The following WWC2 variants were observed in gnomAD, a reference collection of about 807,000 sequenced individuals.
The protein encoded by WWC2 is protein WWC2.
WWC2 carries 101 observed loss-of-function variants against 138.5 expected under a neutral mutation model. The ratio of observed to expected loss-of-function variants is 0.73; its 90% CI spans 0.62 to 0.86. The LOEUF is 0.86. Ranked by LOEUF, WWC2 falls within the 40% of genes least tolerant of loss-of-function variation. WWC2 has a pLI of 0.00. For missense variants in WWC2, 1,420 were observed against 1,419.4 expected, an observed-to-expected ratio of 1.00 and a Z score of -0.01; for synonymous variants, 558 against 538.4, an observed-to-expected ratio of 1.04 and a Z score of -0.50.
At chr4:183,228,942 G>C (rs1736157243) in intron 4 of WWC2, among the ~76,000 whole-genome samples, 1 of 152,038 alleles carries the variant, frequency 6.6e-6, no homozygotes, top group African/African-American at 2.4e-5. Context: ...GTGTTGAGTG[G>C]GTGAAGCTAG....
chr4:183,246,979 G>C (rs370365557), intron 6 of WWC2, among the ~76,000 whole-genome samples: 1 of 152,000 alleles, frequency 6.6e-6, no homozygotes, highest in Non-Finnish European at 1.5e-5. Context: ...TCATCTGCAG[G>C]CCTGATTAAA....
At chr4:183,169,996 GAAC>G (rs1474275241) in intron 1 of WWC2, among the ~76,000 whole-genome samples, 1 of 152,122 alleles carries the variant, frequency 6.6e-6, no homozygotes, top group Admixed American at 6.5e-5. Flanking sequence ...AGCTTCAAAA[GAAC>G]AGTATCATTC....
chr4:183,221,862 CAT>C (rs1735944749), intron 4 of WWC2, among the ~76,000 whole-genome samples: 1 of 152,096 alleles, frequency 6.6e-6, no homozygotes, highest in South Asian at 2.1e-4. Flanking sequence ...CAAAGTTAAA[CAT>C]ATTTAACATA....
chr4:183,134,444 T>A (rs2111080255), intron 1 of WWC2, among the ~76,000 whole-genome samples: 1 of 152,292 alleles, frequency 6.6e-6, no homozygotes, highest in Non-Finnish European at 1.5e-5. Context: ...TCTCATGTTT[T>A]TATATGTGGA....
At chr4:183,268,504 A>T (rs755616681) in intron 14 of WWC2, among the ~76,000 whole-genome samples, 34 of 152,154 alleles carry the variant, frequency 2.2e-4, no homozygotes, top group Non-Finnish European at 4.4e-4. Context: ...CTCTAGTAGG[A>T]TAATGTATTC....
chr4:183,264,791 C>T lies in WWC2; in HGVS notation c.1910-187C>T, dbSNP rs147056247. On this transcript the variant is annotated intron_variant, in intron 11 of 22. Coordinates refer to ENST00000403733, the MANE Select transcript of WWC2 (RefSeq NM_024949.6). ...TCCAAGTAATGACTGAAAAAACTGG[C>T]GTCCCAGGAATCTTATAAGTCATAG... Among the ~76,000 whole-genome samples the T allele has an allele frequency of 7.9e-5, 12 of 152,240 alleles. No individual in the cohort carries two copies. In the East Asian group the frequency reaches 1.4e-3, roughly 17 times the overall value.
chr4:183,259,108 C>T (rs1043761480), intron 9 of WWC2, among the ~76,000 whole-genome samples: 2 of 152,092 alleles, frequency 1.3e-5, no homozygotes, highest in Non-Finnish European at 2.9e-5. Flanking sequence ...CCAAATTAGC[C>T]CACAATGGTA....
intron 9 of WWC2, among the ~76,000 whole-genome samples, chr4:183,258,096 A>C (rs1377334275): frequency 6.6e-6 from 1 of 152,216 alleles, no homozygotes; most frequent in Non-Finnish European, 1.5e-5. Context: ...GCATTAGAAA[A>C]AGGCTTCATT....
chr4:183,314,718 C>T (rs760563936), intron 22 of WWC2, among the ~76,000 whole-genome samples: 4 of 152,226 alleles, frequency 2.6e-5, no homozygotes, highest in African/African-American at 9.6e-5. Flanking sequence ...TTAGCAGCTG[C>T]GCCTTAAGGC....
chr4:183,289,725 T>C, intron 21 of WWC2, 90 bp downstream of exon 21: 1 of 1,528,866 alleles, frequency 6.5e-7, no homozygotes, highest in Non-Finnish European at 8.8e-7. Flanking sequence ...CACTTCTGTT[T>C]TGCGCATAAG....
intron 8 of WWC2, 97 bp downstream of exon 8, chr4:183,250,090 A>T (rs967259817): frequency 1.8e-6 from 2 of 1,119,408 alleles, no homozygotes; most frequent in Admixed American, 2.2e-5. Context: ...CACTCCCCAT[A>T]CATTCTTACC....
chr4:183,313,428 G>T (rs1579080786), intron 22 of WWC2, among the ~76,000 whole-genome samples: 1 of 152,094 alleles, frequency 6.6e-6, no homozygotes, highest in East Asian at 1.9e-4. Context: ...GGTTTGTGGG[G>T]GGCAGTGGCT....
At chr4:183,227,449 A>T (rs1736106130) in intron 4 of WWC2, among the ~76,000 whole-genome samples, 2 of 152,130 alleles carry the variant, frequency 1.3e-5, no homozygotes, top group South Asian at 4.1e-4. Context: ...CTGGCAGGAT[A>T]AAAAGAACAG....
rs530694464 is a variant in WWC2 at position 183,268,887 on chromosome 4, C to A, written c.2208-84C>A. 866 of 1,356,782 alleles carry A rather than the reference C, an allele frequency of 6.4e-4. 15 individuals carry two copies. In the South Asian group the frequency reaches 0.011, roughly 17 times the overall value. The allele number at this position is 1,356,782 out of a possible 1,614,324, so 84.0% of individuals were successfully genotyped here. A position where few individuals can be genotyped will look rare whatever the true frequency, so the allele number is the denominator to read the frequency against. ...AACTCCACGATCCCTCATTTTCTCTCTTTGCAGATAATTTCAAATGATAGC... is the reference window on the plus strand; with the variant it reads ...AACTCCACGATCCCTCATTTTCTCTATTTGCAGATAATTTCAAATGATAGC... On this transcript the variant is annotated intron_variant, in intron 14 of 22. Coordinates refer to ENST00000403733, the MANE Select transcript of WWC2 (RefSeq NM_024949.6).
At chr4:183,213,122 G>T (rs1002120269) in intron 4 of WWC2, among the ~76,000 whole-genome samples, 62 of 152,298 alleles carry the variant, frequency 4.1e-4, no homozygotes, top group African/African-American at 1.4e-3. Flanking sequence ...TAGAAATGCT[G>T]CCATAGCAGA....
intron 1 of WWC2, among the ~76,000 whole-genome samples, chr4:183,133,181 C>A (rs1431829780): frequency 9.0e-6 from 1 of 111,310 alleles, no homozygotes; most frequent in Non-Finnish European, 1.7e-5. Context: ...CCAGGTCTTG[C>A]TCTGTTGCCC....
chr4:183,273,014 T>A (rs1166015170), intron 16 of WWC2, among the ~76,000 whole-genome samples: 2 of 152,154 alleles, frequency 1.3e-5, no homozygotes, highest in East Asian at 3.9e-4. Flanking sequence ...TTTAATAATT[T>A]GAGGAACAGC....
At chr4:183,240,376 AAAGTT>A in intron 5 of WWC2, 114 bp downstream of exon 5, 1 of 756,808 alleles carries the variant, frequency 1.3e-6, no homozygotes, top group Non-Finnish European at 1.9e-6. Context: ...GTAAAGTAAA[AAAGTT>A]CAGAGCTCTA....
intron 1 of WWC2, among the ~76,000 whole-genome samples, chr4:183,164,764 A>T (rs572167889): frequency 6.6e-6 from 1 of 152,068 alleles, no homozygotes. Context: ...TTCTGAGGAC[A>T]TGGGCACATG....
Sources: allele counts gnomAD v4.1 joint callset (sites outside exome capture counted in the v4.1 genomes callset), GRCh38; gene constraint gnomAD v4.1.1; transcripts MANE v1.5; gene names NCBI Gene and HGNC (gene_info 2026-07-23, HGNC 2026-07-21).